The following AP1G1 variants were observed in gnomAD, a reference collection of about 807,000 sequenced individuals.
The protein encoded by AP1G1 is AP-1 complex subunit gamma-1.
A neutral mutation model predicts 108.3 loss-of-function variants in AP1G1; 7 were observed. The observed-to-expected ratio is 0.06, with a 90% CI of 0.04 to 0.12. The LOEUF (loss-of-function observed/expected upper bound fraction) is 0.12. Ranked by LOEUF, AP1G1 falls within the 10% of genes least tolerant of loss-of-function variation. The pLI, the probability that AP1G1 is intolerant of heterozygous loss-of-function variation, is 1.00. For missense variants in AP1G1, 756 were observed against 1,010.7 expected (o/e 0.75, Z 3.42); for synonymous variants, 379 against 353.5 (o/e 1.07, Z -0.81).
At chr16:71,804,540 T>C (rs1467350553) in intron 1 of AP1G1, among the ~76,000 whole-genome samples, 1 of 151,828 alleles carries the variant, frequency 6.6e-6, no homozygotes, top group Non-Finnish European at 1.5e-5. Context: ...CCTAAGTAGC[T>C]GGGAATGCAG....
chr16:71,773,446 T>G, intron 3 of AP1G1, 84 bp from the exon 4 acceptor site: 1 of 1,306,714 alleles, frequency 7.7e-7, no homozygotes, highest in Non-Finnish European at 1.0e-6. Context: ...TCAGGATGAC[T>G]CAAGATTTCT....
rs58058795 is a variant in AP1G1, at chr16:71,756,501, G to C, written c.1089-342C>G. Among the ~76,000 whole-genome samples the C allele has an allele frequency of 9.3e-4, 142 of 152,020 alleles. 1 individual carries two copies. The highest frequency in any genetic ancestry group is 3.1e-3 in the African/African-American group (129 of 41,466). On this transcript the variant is annotated intron_variant, in intron 11 of 22. Transcript: ENST00000299980. Reference sequence around the variant, plus strand: ...TCAAAAAGAGGGGCAACAAATAAATGTATTACCCAATAATAATACCTATCT... The same window carrying C: ...TCAAAAAGAGGGGCAACAAATAAATCTATTACCCAATAATAATACCTATCT...
chr16:71,808,168 A>C, intron 1 of AP1G1: 1 of 1,134,546 alleles, frequency 8.8e-7, no homozygotes, highest in Non-Finnish European at 1.1e-6. Context: ...AAGGGTAAAC[A>C]GTATACTCGC....
Position 71,776,529 on chromosome 16 carries a change from A to C in AP1G1, c.202-1937T>G, listed in dbSNP as rs371125475. On this transcript the variant is annotated intron_variant, in intron 2 of 22. Coordinates refer to ENST00000299980, the MANE Select transcript of AP1G1 (RefSeq NM_001128.6). ...ATCAGAAGCTAAAATATTATCAAACAAACCTTACTCTTTTTCAAACTGGTT... is the reference window on the plus strand; with the variant it reads ...ATCAGAAGCTAAAATATTATCAAACCAACCTTACTCTTTTTCAAACTGGTT... 2.4e-4 allele frequency among the ~76,000 whole-genome samples: 37 copies of C among 152,328 alleles called. 1 individual carries two copies. In the East Asian group the frequency reaches 5.6e-3, roughly 23 times the overall value.
At chr16:71,787,675 G>A (rs570963673) in intron 2 of AP1G1, among the ~76,000 whole-genome samples, 1 of 151,968 alleles carries the variant, frequency 6.6e-6, no homozygotes, top group East Asian at 1.9e-4. Context: ...TCAATCAACC[G>A]ATCAACAAGA....
At chr16:71,752,535 C>T (rs2030560444) in intron 13 of AP1G1, among the ~76,000 whole-genome samples, 1 of 151,942 alleles carries the variant, frequency 6.6e-6, no homozygotes, top group African/African-American at 2.4e-5. Context: ...TTACTTAATC[C>T]CCATTTGGGG....
rs767556848 is a variant in AP1G1, at chr16:71,808,591, G to A, written c.-4+172C>T. ...CGGGGTCGGCCCTCCAGAAGTCGGA[G>A]CAGCCCCTGGGGCTCCCGGCCTCTC... is the stretch of plus-strand genomic sequence containing the variant. On this transcript the variant is annotated intron_variant, in intron 1 of 22. Coordinates refer to ENST00000299980, the MANE Select transcript of AP1G1 (RefSeq NM_001128.6). 1.2e-5 allele frequency: 15 copies of A among 1,289,442 alleles called. No individual in the cohort carries two copies. The South Asian group carries it at 1.5e-4, about 13-fold the overall frequency. 79.9% of individuals were successfully genotyped at this position (1,289,442 alleles called of 1,614,324 possible).
At chr16:71,808,018 G>C (rs1160497472) in intron 1 of AP1G1, 1 of 1,200,776 alleles carries the variant, frequency 8.3e-7, no homozygotes, top group Non-Finnish European at 1.1e-6. Context: ...ACATTACCCT[G>C]AGCGAGTGGT....
At chr16:71,767,998 ATCT>A in intron 6 of AP1G1, 2 of 1,268,522 alleles carry the variant, frequency 1.6e-6, no homozygotes, top group Admixed American at 2.0e-5. Flanking sequence ...AGACATGAAC[ATCT>A]AAGGGAAAAA....
At position 71,800,551 on chromosome 16, in the gene AP1G1, T is replaced by C. The variant is rs531131231; in HGVS notation, c.-4+8212A>G. 1.2e-3 allele frequency among the ~76,000 whole-genome samples: 179 copies of C among 150,196 alleles called. 4 individuals are homozygous for C. The highest frequency in any genetic ancestry group is 4.2e-3 in the African/African-American group (169 of 40,518). The stretch of plus-strand genomic sequence containing the variant: ...GTGCGGGGGCTCACGCCTTTAATCC[T>C]AGCACTTTGGGAGGCCAAGGTGGGC... On this transcript the variant is annotated intron_variant, in intron 1 of 22. Transcript: ENST00000299980.
At chr16:71,734,972 T>C (rs962504615) in intron 21 of AP1G1, among the ~76,000 whole-genome samples, 63 of 152,340 alleles carry the variant, frequency 4.1e-4, no homozygotes, top group African/African-American at 1.4e-3. Context: ...GAAGGAATTC[T>C]AGCCTACCTC....
rs777461404 is a variant in AP1G1 at position 71,764,338 on chromosome 16, A to C, written c.918+12T>G. On this transcript the variant is annotated intron_variant, in intron 9 of 22. Coordinates refer to ENST00000299980, the MANE Select transcript of AP1G1 (RefSeq NM_001128.6). ...CATTTAGGGGGGGAAGAAAAGATTC[A>C]AAAAGACTTACTCGCAATCCACTCT... 1 of 1,541,668 alleles carries C rather than the reference A, an allele frequency of 6.5e-7. No individual in the cohort carries two copies. Among genetic ancestry groups the C allele is most frequent in the Non-Finnish European group, 8.9e-7 (1 of 1,125,636 alleles).
At position 71,732,278 on chromosome 16, in the gene AP1G1, A is replaced by C. The variant is rs1268114495; in HGVS notation, c.*780T>G. The C allele has an allele frequency of 6.6e-6, 1 of 152,650 alleles. No individual in the cohort carries two copies. Among genetic ancestry groups the C allele is most frequent in the Non-Finnish European group, 1.5e-5 (1 of 68,058 alleles). 9.5% of individuals were successfully genotyped at this position (152,650 alleles called of 1,614,324 possible). A position where few individuals can be genotyped will look rare whatever the true frequency, so the allele number is the denominator to read the frequency against. On this transcript the variant is annotated 3_prime_UTR_variant, in exon 23 of 23. Transcript: ENST00000299980. ...AGACTATTCATGACTACAGCTAAAG[A>C]ATGGCGAGAAAGGGGAGCTGGAAGA...
chr16:71,791,632 C>A (rs1386051869), intron 1 of AP1G1, among the ~76,000 whole-genome samples: 2 of 145,482 alleles, frequency 1.4e-5, no homozygotes, highest in African/African-American at 5.1e-5. Flanking sequence ...CTGCAGTAAG[C>A]TGTGACACTG....
chr16:71,731,530 C>T lies in AP1G1; in HGVS notation c.*1528G>A, dbSNP rs191624070. 587 of 149,962 alleles carry T rather than the reference C, an allele frequency of 3.9e-3. 5 individuals are homozygous for T. Among genetic ancestry groups the T allele is most frequent in the Non-Finnish European group, 5.7e-3 (381 of 66,484 alleles). The allele number at this position is 149,962 out of a possible 1,614,324, so 9.3% of individuals were successfully genotyped here. A position where few individuals can be genotyped will look rare whatever the true frequency, so the allele number is the denominator to read the frequency against. On this transcript the variant is annotated 3_prime_UTR_variant, in exon 23 of 23. Transcript: ENST00000299980. ...CAAACATTGTAAGAGCAAGGTGGGC[C>T]TCACTTTTTCTTTCTTCAGTATATA...
intron 19 of AP1G1, among the ~76,000 whole-genome samples, chr16:71,739,634 C>G (rs2045592885): frequency 6.6e-6 from 1 of 151,794 alleles, no homozygotes; most frequent in African/African-American, 2.4e-5. Flanking sequence ...CGCCTGTAGT[C>G]CCAGCTACTT....
At chr16:71,756,370 T>C in intron 11 of AP1G1, 1 of 442,630 alleles carries the variant, frequency 2.3e-6, no homozygotes, top group East Asian at 3.6e-5. Context: ...CTTCATGCAA[T>C]ATTCTTCTTC....
At chr16:71,765,463 T>C (rs1014327296) in intron 7 of AP1G1, 26 bp downstream of exon 7, 12 of 1,506,314 alleles carry the variant, frequency 8.0e-6, no homozygotes, top group Non-Finnish European at 9.2e-6. Context: ...ATATAACATT[T>C]ATTTAAAACG....
At chr16:71,793,349 T>C (rs1481458868) in intron 1 of AP1G1, among the ~76,000 whole-genome samples, 1 of 152,188 alleles carries the variant, frequency 6.6e-6, no homozygotes, top group African/African-American at 2.4e-5. Context: ...ACATCTACTT[T>C]ACTCCAGATA....
Sources: allele counts gnomAD v4.1 joint callset (sites outside exome capture counted in the v4.1 genomes callset), GRCh38; gene constraint gnomAD v4.1.1; transcripts MANE v1.5; gene names NCBI Gene and HGNC (gene_info 2026-07-23, HGNC 2026-07-21).